MAGEC3: variants seen among roughly 807,000 people sequenced by gnomAD.
MAGEC3 encodes MAGE family member C3.
A neutral mutation model predicts 35.3 loss-of-function variants in MAGEC3; 34 were observed. That is an observed-to-expected ratio of 0.96 (90% CI 0.73 to 1.28). The LOEUF is 1.28. MAGEC3 is among the 50% of genes most tolerant of loss of function. The probability of loss-of-function intolerance (pLI) is 0.00; values close to 1 mark genes in which losing one functional copy is unlikely to be tolerated. For synonymous variants in MAGEC3, 202 were observed against 185.6 expected (o/e 1.09, Z -0.72); for missense variants, 561 against 483.6 (o/e 1.16, Z -1.50).
intron 1 of MAGEC3, among the ~76,000 whole-genome samples, chrX:141,842,129 A>G (rs983146179): frequency 2.7e-5 from 3 of 111,976 alleles, no homozygotes; most frequent in African/African-American, 9.7e-5. Flanking sequence ...CTGTGCAGCC[A>G]TTAAAATTAT....
chrX:141,868,854 T>TTTTATTTA (rs199761435), intron 2 of MAGEC3, among the ~76,000 whole-genome samples: 1,611 of 106,391 alleles, frequency 0.015, 10 homozygotes, highest in Middle Eastern at 0.038. Flanking sequence ...AAAATTTTTA[T>TTTTATTTA]TTTATTTATT....
intron 2 of MAGEC3, among the ~76,000 whole-genome samples, chrX:141,874,499 A>G (rs903351268): frequency 7.1e-5 from 8 of 112,244 alleles, no homozygotes; most frequent in African/African-American, 2.6e-4. Context: ...CCTCAACTCA[A>G]TAACAAGAAA....
chrX:141,884,276 T>A (rs1603074885), intron 4 of MAGEC3, among the ~76,000 whole-genome samples: 1 of 111,915 alleles, frequency 8.9e-6, no homozygotes, highest in Non-Finnish European at 1.9e-5. Flanking sequence ...GGCAGAAGAA[T>A]GTAAAAAGGC....
rs2017665421 is a variant in MAGEC3, at chrX:141,838,361, G to A, written c.46G>A (p.Gly16Ser). ...GGTGTTGGATGCCACCTTCAGTGAT[G>A]GCAGTCTAGGCCAGTGGGTGAAAAA... The part of the protein sequence containing the change: ...HWVLDATFSD[G>S]SLGQWVKNTC... The change falls in exon 1 of 8, where the codon GGC (glycine) becomes AGC (serine). Residue 16 changes from glycine to serine, a missense_variant. Transcript: ENST00000298296. The A allele has an allele frequency of 8.3e-7, 1 of 1,209,595 alleles. No homozygotes were observed. The highest frequency in any genetic ancestry group is 2.2e-5 in the Admixed American group (1 of 45,849).
chrX:141,881,005 G>T lies in MAGEC3; in HGVS notation c.516-398G>T, dbSNP rs565639160. The T allele has an allele frequency of 1.4e-3, 686 of 494,551 alleles. 6 individuals carry two copies. In the South Asian group the frequency reaches 0.021, roughly 15 times the overall value. 40.8% of individuals were successfully genotyped at this position (494,551 alleles called of 1,213,427 possible). ...GCCTGTGTTTTGAAATGTTCCTAGC[G>T]GCAACTTTGAGAAAGACTTCCAGAA... On this transcript the variant is annotated intron_variant, in intron 3 of 7. Transcript: ENST00000298296.
chrX:141,850,859 CCCTAGAAAGACTCAAAA>C (rs1342091522), intron 1 of MAGEC3, among the ~76,000 whole-genome samples: 1 of 110,483 alleles, frequency 9.1e-6, no homozygotes, highest in Non-Finnish European at 1.9e-5. Context: ...CTGATTAATT[CCCTAGAAAGACTCAAAA>C]TTGTTGAATC....
At chrX:141,840,034 A>AT (rs1327609566) in intron 1 of MAGEC3, 7 of 748,354 alleles carry the variant, frequency 9.4e-6, no homozygotes, top group African/African-American at 2.3e-5. Context: ...AATTTGCTGC[A>AT]TTTTTTCTTC....
chrX:141,897,388 C>T lies in MAGEC3; in HGVS notation c.1630C>T (p.Pro544Ser), dbSNP rs777427326. 1 of 1,211,630 alleles carries T rather than the reference C, an allele frequency of 8.3e-7. No homozygotes were observed. The highest frequency in any genetic ancestry group is 3.0e-5 in the East Asian group (1 of 33,801). ...EGSLIDDQGMPKNCLLILILS... is the reference protein window; with the variant it reads ...EGSLIDDQGMSKNCLLILILS... ...AAGCCTGATTGATGACCAGGGCATG[C>T]CCAAGAACTGTCTCCTGATTCTTAT... is the stretch of plus-strand genomic sequence containing the variant. Residue 544 changes from proline to serine, a missense_variant, in exon 7 of 8, where the codon CCC (proline) becomes TCC (serine). Pro to Ser is a moderately conservative substitution (Grantham distance 74). Coordinates refer to ENST00000298296, the MANE Select transcript of MAGEC3 (RefSeq NM_138702.1).
chrX:141,865,737 A>G, intron 2 of MAGEC3, 132 bp downstream of exon 2: 2 of 703,969 alleles, frequency 2.8e-6, no homozygotes, highest in South Asian at 4.2e-5. Flanking sequence ...CGTAGACTTC[A>G]TTTTTGGGGC....
intron 1 of MAGEC3, among the ~76,000 whole-genome samples, chrX:141,843,868 A>G (rs2017700630): frequency 9.0e-6 from 1 of 110,996 alleles, no homozygotes; most frequent in African/African-American, 3.3e-5. Flanking sequence ...CTTAAGAAAT[A>G]TAATATTACC....
Position 141,881,549 on chromosome X carries a change from A to T in MAGEC3, c.662A>T (p.Tyr221Phe). ...AATGTCATCAACACATACACGGGCTACTTTCCTATGATCTTCAGGAAAGCC... is the reference window on the plus strand; with the variant it reads ...AATGTCATCAACACATACACGGGCTTCTTTCCTATGATCTTCAGGAAAGCC... Reference protein sequence around the residue: ...QMNVINTYTGYFPMIFRKARE... With the variant: ...QMNVINTYTGFFPMIFRKARE... Residue 221 changes from tyrosine (Y) to phenylalanine (F), a missense_variant, in exon 4 of 8, where the codon TAC becomes TTC. Transcript: ENST00000298296. The T allele has an allele frequency of 8.3e-7, 1 of 1,211,556 alleles. No individual in the cohort carries two copies. Among genetic ancestry groups the T allele is most frequent in the Non-Finnish European group, 1.1e-6 (1 of 895,346 alleles).
intron 1 of MAGEC3, among the ~76,000 whole-genome samples, chrX:141,854,217 A>G (rs1248962617): frequency 9.0e-6 from 1 of 111,300 alleles, no homozygotes; most frequent in Non-Finnish European, 1.9e-5. Flanking sequence ...GGTTGCACAC[A>G]CACAGATGAT....
intron 4 of MAGEC3, chrX:141,894,651 C>A: frequency 1.0e-6 from 1 of 968,675 alleles, no homozygotes; most frequent in Non-Finnish European, 1.3e-6. Context: ...CACGGGGCAG[C>A]TTCAGTTAAG....
intron 1 of MAGEC3, among the ~76,000 whole-genome samples, chrX:141,840,231 A>T (rs757860943): frequency 8.9e-6 from 1 of 111,998 alleles, no homozygotes; most frequent in Non-Finnish European, 1.9e-5. Flanking sequence ...ACAAACCACT[A>T]AAGAAAAGTG....
chrX:141,865,031 T>C (rs147050258), intron 1 of MAGEC3, among the ~76,000 whole-genome samples: 2,350 of 112,057 alleles, frequency 0.021, 16 homozygotes, highest in Middle Eastern at 0.032. Context: ...TATGTCAATT[T>C]TAGAAAAGTG....
At chrX:141,839,475 T>C (rs2017673507) in intron 1 of MAGEC3, 11 of 752,066 alleles carry the variant, frequency 1.5e-5, no homozygotes, top group Admixed American at 8.9e-5. Context: ...CTGTCATATT[T>C]GATTATATCT....
intron 2 of MAGEC3, among the ~76,000 whole-genome samples, chrX:141,877,736 T>C (rs962866970): frequency 1.8e-5 from 2 of 112,109 alleles, no homozygotes; most frequent in African/African-American, 6.5e-5. Context: ...TGTAGGTTTT[T>C]CATGCATATC....
chrX:141,867,778 G>A (rs1433617173), intron 2 of MAGEC3, among the ~76,000 whole-genome samples: 1 of 111,772 alleles, frequency 8.9e-6, no homozygotes, highest in Non-Finnish European at 1.9e-5. Flanking sequence ...TTCCTGCAAG[G>A]GTTGCATAGT....
intron 2 of MAGEC3, among the ~76,000 whole-genome samples, chrX:141,874,562 G>T (rs1329076337): frequency 9.0e-6 from 1 of 111,402 alleles, no homozygotes; most frequent in African/African-American, 3.3e-5. Flanking sequence ...CTACACCAAA[G>T]AATATATACA....
Sources: allele counts gnomAD v4.1 joint callset (sites outside exome capture counted in the v4.1 genomes callset), GRCh38; gene constraint gnomAD v4.1.1; transcripts MANE v1.5; gene names NCBI Gene and HGNC (gene_info 2026-07-23, HGNC 2026-07-21).